The following DDX4 variants were observed in gnomAD, a reference collection of about 807,000 sequenced individuals.
DDX4 encodes the protein probable ATP-dependent RNA helicase DDX4.
Under a neutral mutation model 100.0 loss-of-function variants are expected in DDX4, and 25 were observed. The observed-to-expected ratio is 0.25, with a 90% CI of 0.18 to 0.35. The LOEUF is 0.35. Among genes scored for constraint, DDX4 ranks in the 10% least tolerant of loss-of-function variants. DDX4 has a pLI of 1.00. For missense variants in DDX4, 635 were observed against 882.4 expected, an observed-to-expected ratio of 0.72 and a Z score of 3.55; for synonymous variants, 259 against 275.7, an observed-to-expected ratio of 0.94 and a Z score of 0.60.
At chr5:55,781,702 A>G (rs545075920) in intron 9 of DDX4, among the ~76,000 whole-genome samples, 1 of 151,900 alleles carries the variant, frequency 6.6e-6, no homozygotes, top group Non-Finnish European at 1.5e-5. Flanking sequence ...GGTTGAACCC[A>G]GGAGATGGAG....
rs62361903 is a variant in DDX4 at position 55,789,292 on chromosome 5, C to T, written c.1173-1284C>T. 7.4e-4 allele frequency among the ~76,000 whole-genome samples: 113 copies of T among 152,186 alleles called. 2 individuals carry two copies. Among genetic ancestry groups the T allele is most frequent in the Non-Finnish European group, 1.4e-3 (93 of 68,030 alleles). On this transcript the variant is annotated intron_variant, in intron 15 of 21. Coordinates refer to ENST00000505374, the MANE Select transcript of DDX4 (RefSeq NM_024415.3). ...TTTCAACAATAAACATTTACTGTCT[C>T]ACCATTTTGGGGGCTTAGGAATTGG...
intron 17 of DDX4, among the ~76,000 whole-genome samples, chr5:55,796,015 A>C (rs191689616): frequency 6.6e-6 from 1 of 152,328 alleles, no homozygotes; most frequent in East Asian, 1.9e-4. Flanking sequence ...CAAGTCCCAG[A>C]GTCCAAAGTC....
chr5:55,806,998 G>A (rs933169029), intron 18 of DDX4, among the ~76,000 whole-genome samples: 10 of 152,142 alleles, frequency 6.6e-5, no homozygotes, highest in East Asian at 3.8e-4. Flanking sequence ...TTATGAATCT[G>A]GGTGCTCCTG....
At chr5:55,741,865 C>T (rs1014059301) in intron 2 of DDX4, among the ~76,000 whole-genome samples, 10 of 151,690 alleles carry the variant, frequency 6.6e-5, no homozygotes, top group African/African-American at 2.4e-4. Flanking sequence ...TCTTTCATTC[C>T]GTTTCTTTTA....
chr5:55,745,097 C>G (rs1403416044), intron 2 of DDX4, among the ~76,000 whole-genome samples: 3 of 152,144 alleles, frequency 2.0e-5, no homozygotes, highest in Non-Finnish European at 4.4e-5. Flanking sequence ...TCAGGCTGGT[C>G]TTGAACTGCT....
intron 3 of DDX4, among the ~76,000 whole-genome samples, chr5:55,749,577 G>A (rs1292619714): frequency 6.6e-6 from 1 of 152,104 alleles, no homozygotes; most frequent in Non-Finnish European, 1.5e-5. Context: ...GTTTTGTTTG[G>A]GAGAGCAGGA....
chr5:55,775,481 GA>G (rs748182368), intron 7 of DDX4, among the ~76,000 whole-genome samples: 2 of 152,270 alleles, frequency 1.3e-5, no homozygotes, highest in Non-Finnish European at 2.9e-5. Context: ...CTAGAGTTTG[GA>G]AAAAGTTAAT....
At chr5:55,765,557 T>C (rs1297225651) in intron 6 of DDX4, among the ~76,000 whole-genome samples, 1 of 151,812 alleles carries the variant, frequency 6.6e-6, no homozygotes, top group Non-Finnish European at 1.5e-5. Flanking sequence ...CCCTGTCATC[T>C]ACTTTGCTTA....
chr5:55,806,048 T>C (rs1257726904), intron 18 of DDX4, among the ~76,000 whole-genome samples: 1 of 152,154 alleles, frequency 6.6e-6, no homozygotes, highest in Non-Finnish European at 1.5e-5. Context: ...CTGATTTAGT[T>C]TTGGGAGGGT....
chr5:55,764,173 C>T, intron 6 of DDX4, 109 bp downstream of exon 6: 1 of 801,574 alleles, frequency 1.2e-6, no homozygotes, highest in South Asian at 1.6e-5. Flanking sequence ...TTATTTAAAC[C>T]AGATTTTATG....
chr5:55,815,504 A>G, intron 21 of DDX4, 81 bp downstream of exon 21: 3 of 1,460,464 alleles, frequency 2.1e-6, no homozygotes, highest in African/African-American at 2.9e-5. Context: ...AAGTAACTAT[A>G]ATATTTAATA....
At chr5:55,769,354 G>A (rs1306042581) in intron 7 of DDX4, among the ~76,000 whole-genome samples, 4 of 151,984 alleles carry the variant, frequency 2.6e-5, no homozygotes, top group South Asian at 2.1e-4. Context: ...TTATCCTAGC[G>A]CCATTTATTG....
intron 3 of DDX4, among the ~76,000 whole-genome samples, chr5:55,750,861 CTG>C (rs1018942434): frequency 6.6e-6 from 1 of 151,960 alleles, no homozygotes; most frequent in Non-Finnish European, 1.5e-5. Flanking sequence ...TTTCTAATGA[CTG>C]TGTGGTATTT....
chr5:55,768,329 G>C (rs985685794), intron 7 of DDX4, among the ~76,000 whole-genome samples: 9 of 152,030 alleles, frequency 5.9e-5, no homozygotes, highest in Admixed American at 5.2e-4. Flanking sequence ...TCCCTTCTTT[G>C]TGTCCATGTG....
chr5:55,785,130 C>G (rs1375416246), intron 10 of DDX4, among the ~76,000 whole-genome samples, 167 bp from the exon 11 acceptor site: 22 of 152,142 alleles, frequency 1.4e-4, no homozygotes, highest in Admixed American at 1.4e-3. Flanking sequence ...ATCTTGAATA[C>G]TACAGAAACT....
At chr5:55,787,454 C>T (rs1407185933) in intron 14 of DDX4, among the ~76,000 whole-genome samples, 2 of 152,160 alleles carry the variant, frequency 1.3e-5, no homozygotes, top group African/African-American at 4.8e-5. Flanking sequence ...CCACTTTTGT[C>T]ATCCATTCTG....
chr5:55,786,475 A>G (rs2112020388), intron 13 of DDX4, 43 bp from the exon 14 acceptor site: 2 of 1,484,918 alleles, frequency 1.3e-6, no homozygotes, highest in South Asian at 1.2e-5. Context: ...TGATCTGCAT[A>G]TGATATATAG....
intron 3 of DDX4, 53 bp from the exon 4 acceptor site, chr5:55,760,147 A>G (rs1330284000): frequency 4.7e-5 from 72 of 1,531,106 alleles, no homozygotes; most frequent in Non-Finnish European, 6.1e-5. Context: ...AAGGTTTGCA[A>G]GTACTAGATA....
Position 55,816,377 on chromosome 5 carries a change from T to C in DDX4, c.2098-86T>C. 3 of 1,509,584 alleles carry C rather than the reference T, an allele frequency of 2.0e-6. No homozygotes were observed. The South Asian group carries it at 4.0e-5, about 20-fold the overall frequency. The allele number at this position is 1,509,584 out of a possible 1,614,324, so 93.5% of individuals were successfully genotyped here. On this transcript the variant is annotated intron_variant, in intron 21 of 21. Transcript: ENST00000505374. ...CATGGTAGATACTTTGAGTCCTTGC[T>C]CTCAGTCTGAGTGATGTAACTTTAA...
Sources: allele counts gnomAD v4.1 joint callset (sites outside exome capture counted in the v4.1 genomes callset), GRCh38; gene constraint gnomAD v4.1.1; transcripts MANE v1.5; gene names NCBI Gene and HGNC (gene_info 2026-07-23, HGNC 2026-07-21).